Variants in HTR1E observed in about 807,000 individuals in gnomAD.
HTR1E encodes 5-hydroxytryptamine receptor 1E, also known as 5-HT-1E.
HTR1E carries 3 observed loss-of-function variants against 3.4 expected under a neutral mutation model. The observed-to-expected ratio is 0.89, with a 90% confidence interval of 0.41 to 2.31. The LOEUF (loss-of-function observed/expected upper bound fraction) is 2.31, where lower values mean the gene tolerates loss of function less well. HTR1E is among the 30% of genes most tolerant of loss of function. HTR1E has a pLI of 0.05. For synonymous variants in HTR1E, 170 were observed against 182.8 expected (o/e 0.93, Z 0.56); for missense variants, 392 against 467.0 (o/e 0.84, Z 1.48).
chr6:86,987,002 T>C (rs144763125), intron 1 of HTR1E, among the ~76,000 whole-genome samples: 1 of 152,230 alleles, frequency 6.6e-6, no homozygotes, highest in Non-Finnish European at 1.5e-5. Flanking sequence ...GAAAATATGT[T>C]TATACAAAGG....
intron 1 of HTR1E, among the ~76,000 whole-genome samples, chr6:86,943,760 G>C (rs1335243143): frequency 6.6e-6 from 1 of 152,140 alleles, no homozygotes; most frequent in Non-Finnish European, 1.5e-5. Context: ...ACAGTACTAT[G>C]TCATAGGGCT....
At chr6:87,000,838 A>C (rs1209311187) in intron 1 of HTR1E, among the ~76,000 whole-genome samples, 1 of 152,218 alleles carries the variant, frequency 6.6e-6, no homozygotes, top group Non-Finnish European at 1.5e-5. Context: ...TACACAAACA[A>C]ACACAATATT....
At chr6:86,971,375 T>C (rs1554182648) in intron 1 of HTR1E, among the ~76,000 whole-genome samples, 3 of 152,206 alleles carry the variant, frequency 2.0e-5, no homozygotes, top group Non-Finnish European at 4.4e-5. Context: ...TTATGGATTA[T>C]AAAAACCATG....
At chr6:86,946,239 C>A (rs2127816423) in intron 1 of HTR1E, among the ~76,000 whole-genome samples, 1 of 152,188 alleles carries the variant, frequency 6.6e-6, no homozygotes, top group Admixed American at 6.5e-5. Flanking sequence ...AGCTTCTAAT[C>A]CTGCAAACTC....
chr6:87,000,733 C>T (rs954329391), intron 1 of HTR1E, among the ~76,000 whole-genome samples: 4 of 152,174 alleles, frequency 2.6e-5, no homozygotes, highest in Non-Finnish European at 4.4e-5. Flanking sequence ...CCAGACCTGT[C>T]CTGCAAGAAA....
intron 1 of HTR1E, among the ~76,000 whole-genome samples, chr6:86,980,309 C>G (rs976066784): frequency 1.3e-5 from 2 of 151,668 alleles, no homozygotes; most frequent in African/African-American, 4.8e-5. Flanking sequence ...ATGGTGTGAA[C>G]CCGGGAGGCG....
chr6:86,999,016 G>A (rs763212045), intron 1 of HTR1E, among the ~76,000 whole-genome samples: 1 of 152,176 alleles, frequency 6.6e-6, no homozygotes, highest in Non-Finnish European at 1.5e-5. Flanking sequence ...CGGGAGTGCA[G>A]TAGCGTGATC....
At chr6:86,951,723 T>A (rs950984242) in intron 1 of HTR1E, among the ~76,000 whole-genome samples, 26 of 152,182 alleles carry the variant, frequency 1.7e-4, no homozygotes, top group African/African-American at 6.0e-4. Flanking sequence ...CGAAACTTAA[T>A]TCACTAAAAG....
intron 1 of HTR1E, among the ~76,000 whole-genome samples, chr6:86,975,214 G>A (rs1049039848): frequency 6.6e-6 from 1 of 152,162 alleles, no homozygotes; most frequent in African/African-American, 2.4e-5. Flanking sequence ...ACACTCAAAG[G>A]TTCCAACTCC....
At chr6:86,989,662 C>T (rs1488067568) in intron 1 of HTR1E, among the ~76,000 whole-genome samples, 1 of 152,110 alleles carries the variant, frequency 6.6e-6, no homozygotes, top group Non-Finnish European at 1.5e-5. Context: ...TAACAATTAC[C>T]ATAACACTGA....
At chr6:87,002,520 C>A (rs1176685555) in intron 1 of HTR1E, among the ~76,000 whole-genome samples, 1 of 152,142 alleles carries the variant, frequency 6.6e-6, no homozygotes, top group African/African-American at 2.4e-5. Context: ...CTGATTGGTC[C>A]ATTTTACAGG....
chr6:86,978,732 G>A (rs1314534341), intron 1 of HTR1E, among the ~76,000 whole-genome samples: 14 of 152,276 alleles, frequency 9.2e-5, no homozygotes, highest in Admixed American at 9.2e-4. Context: ...TTGAGGTGCT[G>A]GTGAAAGTGT....
At chr6:86,973,193 A>G (rs1040391849) in intron 1 of HTR1E, among the ~76,000 whole-genome samples, 1 of 151,908 alleles carries the variant, frequency 6.6e-6, no homozygotes, top group Admixed American at 6.6e-5. Context: ...TTGGCTTTTA[A>G]CTCCACTGTA....
intron 1 of HTR1E, among the ~76,000 whole-genome samples, chr6:87,010,314 G>T (rs1197602220): frequency 2.6e-5 from 3 of 114,104 alleles, no homozygotes; most frequent in Non-Finnish European, 5.3e-5. Flanking sequence ...GGGCGGGGGG[G>T]CTGACCCCCC....
chr6:87,015,707 A>C lies in HTR1E; in HGVS notation c.373A>C (p.Thr125Pro). 6.8e-6 allele frequency: 11 copies of C among 1,613,454 alleles called. No individual in the cohort carries two copies. The highest frequency in any genetic ancestry group is 9.3e-6 in the Non-Finnish European group (11 of 1,179,650). The change falls in exon 2 of 2, where the codon ACC becomes CCC. Residue 125 changes from threonine (T) to proline (P), a missense_variant. Transcript: ENST00000305344. Reference protein sequence around the residue: ...VIALDRYWAITNAIEYARKRT... With the variant: ...VIALDRYWAIPNAIEYARKRT... Reference sequence around the variant, plus strand: ...TGCCCTGGACAGGTACTGGGCCATCACCAATGCTATTGAATACGCCAGGAA... The same window carrying C: ...TGCCCTGGACAGGTACTGGGCCATCCCCAATGCTATTGAATACGCCAGGAA...
chr6:86,983,800 G>A (rs1165614432), intron 1 of HTR1E, among the ~76,000 whole-genome samples: 1 of 151,990 alleles, frequency 6.6e-6, no homozygotes, highest in Non-Finnish European at 1.5e-5. Flanking sequence ...AACTTATTCA[G>A]ATCTTTTTTT....
rs1180341258 is a variant in HTR1E, at chr6:87,016,633, C to T, written c.*201C>T. ...TGGCGTGCTGTTTTCTACCTCTGGT[C>T]TTATCTGTGATACATAATTTCAAAT... On this transcript the variant is annotated 3_prime_UTR_variant, in exon 2 of 2. Transcript: ENST00000305344. 2.2e-6 allele frequency: 1 copy of T among 456,732 alleles called. No homozygotes were observed. The highest frequency in any genetic ancestry group is 2.0e-5 in the African/African-American group (1 of 50,348). 28.3% of individuals were successfully genotyped at this position (456,732 alleles called of 1,614,324 possible).
intron 1 of HTR1E, among the ~76,000 whole-genome samples, chr6:86,985,852 A>G (rs1321788304): frequency 6.6e-6 from 1 of 152,326 alleles, no homozygotes; most frequent in Admixed American, 6.5e-5. Flanking sequence ...TGCAGGATAC[A>G]TTGCAACAAG....
chr6:86,986,950 A>T (rs139930154), intron 1 of HTR1E, among the ~76,000 whole-genome samples: 2 of 152,306 alleles, frequency 1.3e-5, no homozygotes, highest in African/African-American at 4.8e-5. Flanking sequence ...AAAGAAAAGG[A>T]GGCAAAAATT....
Sources: gnomAD v4.1 joint callset for allele counts (sites outside exome capture counted in the v4.1 genomes callset) on GRCh38, gnomAD v4.1.1 for gene constraint, MANE v1.5 for transcripts, NCBI Gene and HGNC (gene_info 2026-07-23, HGNC 2026-07-21) for gene names.